ARIH1: variants seen among roughly 807,000 people sequenced by gnomAD.
The protein encoded by ARIH1 is E3 ubiquitin-protein ligase ARIH1.
A neutral mutation model predicts 85.0 loss-of-function variants in ARIH1; 8 were observed. The ratio of observed to expected loss-of-function variants is 0.09; its 90% CI spans 0.06 to 0.17. ARIH1 has a LOEUF of 0.17. Among genes scored for constraint, ARIH1 ranks in the 10% least tolerant of loss-of-function variants. The pLI is 1.00. For synonymous variants in ARIH1, 238 were observed against 253.6 expected (o/e 0.94, Z 0.59); for missense variants, 311 against 718.1 (o/e 0.43, Z 6.48).
At chr15:72,555,703 C>T (rs4462547) in intron 4 of ARIH1, 149 bp from the exon 5 acceptor site, 5 of 703,966 alleles carry the variant, frequency 7.1e-6, no homozygotes, top group Middle Eastern at 3.1e-4. Context: ...TAAACATACT[C>T]TCACACACAT....
intron 2 of ARIH1, among the ~76,000 whole-genome samples, chr15:72,526,087 T>A (rs2064026799): frequency 6.6e-6 from 1 of 152,210 alleles, no homozygotes; most frequent in Non-Finnish European, 1.5e-5. Context: ...TCGTATTTTT[T>A]AAAAATCGTG....
At chr15:72,508,935 C>T (rs2063938196) in intron 1 of ARIH1, among the ~76,000 whole-genome samples, 1 of 151,550 alleles carries the variant, frequency 6.6e-6, no homozygotes, top group African/African-American at 2.4e-5. Context: ...TTTAGGTGAT[C>T]TACCCGCCTT....
At chr15:72,479,005 T>A (rs991842070) in intron 1 of ARIH1, among the ~76,000 whole-genome samples, 11 of 151,918 alleles carry the variant, frequency 7.2e-5, no homozygotes, top group African/African-American at 2.7e-4. Flanking sequence ...TCCTAGCTAA[T>A]TTTTTTTCTT....
chr15:72,523,047 A>C lies in ARIH1; in HGVS notation c.443+4913A>C, dbSNP rs568692175. On this transcript the variant is annotated intron_variant, in intron 2 of 13. Coordinates refer to ENST00000379887, the MANE Select transcript of ARIH1 (RefSeq NM_005744.5). ...CTCTCATCATTTCTCGTGGGAACGC[A>C]AAATGGTACAGCCACAAAATGGAAG... Among the ~76,000 whole-genome samples the C allele has an allele frequency of 1.3e-3, 192 of 152,372 alleles. 1 individual carries two copies. The highest frequency in any genetic ancestry group is 4.5e-3 in the African/African-American group (186 of 41,594).
chr15:72,520,449 A>G (rs181738437), intron 2 of ARIH1, among the ~76,000 whole-genome samples: 1,591 of 151,496 alleles, frequency 0.011, 11 homozygotes, highest in Non-Finnish European at 0.016. Context: ...TGTAAATACC[A>G]TGTAGGTGCC....
intron 2 of ARIH1, among the ~76,000 whole-genome samples, chr15:72,535,100 C>T (rs1052036569): frequency 1.0e-4 from 15 of 150,446 alleles, no homozygotes; most frequent in East Asian, 3.9e-4. Context: ...TACAGGCGCC[C>T]GCCACCTCGC....
In ARIH1 at chr15:72,534,956, A is replaced by ATTTTTTTTTTTTTTTTTT. The variant is rs1179478559; in HGVS notation, c.444-9862_444-9861insTTTTTTTTTTTTTTTTTT. Among the ~76,000 whole-genome samples, 15 of 45,108 alleles carry ATTTTTTTTTTTTTTTTTT rather than the reference A, an allele frequency of 3.3e-4. 1 individual carries two copies. Among genetic ancestry groups the ATTTTTTTTTTTTTTTTTT allele is most frequent in the East Asian group, 2.0e-3 (1 of 488 alleles). 29.6% of individuals were successfully genotyped at this position (45,108 alleles called of 152,430 possible). ...CCTCCTATGTCTTCTTATTGTCTGT[A>ATTTTTTTTTTTTTTTTTT]TTCTTTTTTTTTTTGAGACGGAGTC... is the stretch of plus-strand genomic sequence containing the variant. On this transcript the variant is annotated intron_variant, in intron 2 of 13. Transcript: ENST00000379887.
chr15:72,527,493 T>C (rs1435108058), intron 2 of ARIH1, among the ~76,000 whole-genome samples: 1 of 151,716 alleles, frequency 6.6e-6, no homozygotes, highest in Non-Finnish European at 1.5e-5. Flanking sequence ...GTCCTCTGTT[T>C]ACCTTGCTAG....
chr15:72,476,606 G>A (rs778461838), intron 1 of ARIH1, among the ~76,000 whole-genome samples: 2 of 151,818 alleles, frequency 1.3e-5, no homozygotes, highest in Admixed American at 6.6e-5. Flanking sequence ...CTTGTGATCC[G>A]CCTGCCTCGG....
chr15:72,576,515 A>G (rs2064272150), intron 11 of ARIH1, among the ~76,000 whole-genome samples: 1 of 151,560 alleles, frequency 6.6e-6, no homozygotes, highest in South Asian at 2.1e-4. Flanking sequence ...CAAAAAAAAA[A>G]AAAAAAAAAA....
At chr15:72,480,026 C>A (rs1262785096) in intron 1 of ARIH1, among the ~76,000 whole-genome samples, 5 of 152,030 alleles carry the variant, frequency 3.3e-5, no homozygotes, top group Non-Finnish European at 1.5e-5. Flanking sequence ...CGCTACCATG[C>A]CTGGCTAATT....
intron 1 of ARIH1, among the ~76,000 whole-genome samples, chr15:72,513,626 A>C (rs2063959292): frequency 6.8e-6 from 1 of 147,922 alleles, no homozygotes; most frequent in East Asian, 2.0e-4. Flanking sequence ...TTTCCCTTCC[A>C]CCCAAAGAAT....
intron 6 of ARIH1, among the ~76,000 whole-genome samples, chr15:72,562,919 T>C (rs925935896): frequency 6.8e-6 from 1 of 147,126 alleles, no homozygotes; most frequent in African/African-American, 2.5e-5. Context: ...AAAAGGCACA[T>C]CTGAAGTGTT....
At chr15:72,559,137 A>C (rs2064186977) in intron 5 of ARIH1, among the ~76,000 whole-genome samples, 1 of 152,072 alleles carries the variant, frequency 6.6e-6, no homozygotes, top group Admixed American at 6.6e-5. Flanking sequence ...CAAAAATTTG[A>C]CCGTCCATAT....
intron 3 of ARIH1, among the ~76,000 whole-genome samples, chr15:72,549,088 CTTT>C (rs528063272): frequency 5.0e-5 from 7 of 139,308 alleles, no homozygotes; most frequent in South Asian, 4.6e-4. Flanking sequence ...CTCTCTCTCT[CTTT>C]TTTTTTTTTT....
chr15:72,490,036 G>A (rs1208874319), intron 1 of ARIH1, among the ~76,000 whole-genome samples: 1 of 151,978 alleles, frequency 6.6e-6, no homozygotes, highest in African/African-American at 2.4e-5. Flanking sequence ...GGCCTTTGTA[G>A]CCTTGTGAAT....
intron 2 of ARIH1, among the ~76,000 whole-genome samples, chr15:72,535,540 C>G (rs1346542355): frequency 6.6e-6 from 1 of 152,178 alleles, no homozygotes; most frequent in Non-Finnish European, 1.5e-5. Context: ...TTTAAACATA[C>G]TTGTTTGATT....
At chr15:72,483,504 G>C (rs1183619603) in intron 1 of ARIH1, among the ~76,000 whole-genome samples, 1 of 152,208 alleles carries the variant, frequency 6.6e-6, no homozygotes, top group Non-Finnish European at 1.5e-5. Flanking sequence ...AAGACCAGGA[G>C]GCAGGGGTCT....
rs1422654200 is a variant in ARIH1 at position 72,589,816 on chromosome 15, C to T, written c.*6524C>T. ...TTTACCAAATGCTTTGTTTCCATCT[C>T]GTTTATTTTTATTTTTTATTTTTTT... On this transcript the variant is annotated 3_prime_UTR_variant, in exon 14 of 14. Transcript: ENST00000379887. 2 of 152,026 alleles carry T rather than the reference C, an allele frequency of 1.3e-5. No individual in the cohort carries two copies. The highest frequency in any genetic ancestry group is 2.4e-5 in the African/African-American group (1 of 41,394). 9.4% of individuals were successfully genotyped at this position (152,026 alleles called of 1,614,324 possible).
Sources: gnomAD v4.1 joint callset for allele counts (sites outside exome capture counted in the v4.1 genomes callset) on GRCh38, gnomAD v4.1.1 for gene constraint, MANE v1.5 for transcripts, NCBI Gene and HGNC (gene_info 2026-07-23, HGNC 2026-07-21) for gene names.